Variants in DCAF10 observed in about 807,000 individuals in gnomAD.
The protein encoded by DCAF10 is DDB1 and CUL4 associated factor 10.
Under a neutral mutation model 51.9 loss-of-function variants are expected in DCAF10, and 19 were observed. The ratio of observed to expected loss-of-function variants is 0.37; its 90% CI spans 0.26 to 0.54. The LOEUF is 0.54. DCAF10 is among the 20% of genes least tolerant of loss of function. DCAF10 has a pLI of 0.87. For synonymous variants in DCAF10, 291 were observed against 297.1 expected (o/e 0.98, Z 0.21); for missense variants, 510 against 730.6 (o/e 0.70, Z 3.48).
In DCAF10 at chr9:37,867,425, A is replaced by C. The variant is rs1291350877; in HGVS notation, c.*5917A>C. The C allele has an allele frequency of 6.6e-6, 1 of 151,932 alleles. No homozygotes were observed. The highest frequency in any genetic ancestry group is 1.9e-4 in the East Asian group (1 of 5,192). 9.4% of individuals were successfully genotyped at this position (151,932 alleles called of 1,614,324 possible). A position where few individuals can be genotyped will look rare whatever the true frequency, so the allele number is the denominator to read the frequency against. On this transcript the variant is annotated 3_prime_UTR_variant, in exon 7 of 7. Coordinates refer to ENST00000377724, the MANE Select transcript of DCAF10 (RefSeq NM_024345.5). ...TTCTTTTAAATTTCACTGCATCTTC[A>C]ATTGCCCAACTGTGTTTCCTGATAA...
At chr9:37,818,861 T>G (rs1829623443) in intron 1 of DCAF10, among the ~76,000 whole-genome samples, 1 of 152,250 alleles carries the variant, frequency 6.6e-6, no homozygotes, top group African/African-American at 2.4e-5. Flanking sequence ...CAAAGTATTG[T>G]GTACTATGGC....
At chr9:37,844,259 G>A (rs1194873006) in intron 3 of DCAF10, among the ~76,000 whole-genome samples, 3 of 152,256 alleles carry the variant, frequency 2.0e-5, no homozygotes, top group Non-Finnish European at 1.5e-5. Flanking sequence ...GGTGGCTCAC[G>A]CCTGTAATCC....
intron 1 of DCAF10, among the ~76,000 whole-genome samples, chr9:37,802,110 G>GTTAATGTAA (rs960910269): frequency 3.6e-4 from 55 of 152,016 alleles, no homozygotes; most frequent in African/African-American, 1.3e-3. Context: ...AGGTGACATA[G>GTTAATGTAA]TTAATGTAAT....
intron 3 of DCAF10, among the ~76,000 whole-genome samples, chr9:37,849,097 T>C (rs13285554): frequency 0.011 from 1,640 of 151,890 alleles, 14 homozygotes; most frequent in Middle Eastern, 0.027. Context: ...TTATCAAAAG[T>C]ATATACTAAA....
chr9:37,827,814 A>G (rs1829895991), intron 2 of DCAF10, among the ~76,000 whole-genome samples: 1 of 152,232 alleles, frequency 6.6e-6, no homozygotes, highest in Non-Finnish European at 1.5e-5. Context: ...TACTTTCAGC[A>G]AAAAGGTGAT....
intron 1 of DCAF10, among the ~76,000 whole-genome samples, chr9:37,812,292 G>C (rs1829372727): frequency 6.6e-6 from 1 of 151,454 alleles, no homozygotes; most frequent in Non-Finnish European, 1.5e-5. Context: ...AAAAAAGACA[G>C]AAATATAAAG....
chr9:37,802,423 A>T (rs1828982577), intron 1 of DCAF10, among the ~76,000 whole-genome samples: 1 of 152,252 alleles, frequency 6.6e-6, no homozygotes, highest in Non-Finnish European at 1.5e-5. Flanking sequence ...CTAAATGAAA[A>T]TAAAAATGAG....
intron 1 of DCAF10, among the ~76,000 whole-genome samples, chr9:37,813,853 T>C (rs551740502): frequency 1.3e-5 from 2 of 151,814 alleles, no homozygotes; most frequent in Non-Finnish European, 2.9e-5. Flanking sequence ...AACTGAATGA[T>C]GAAAACACTA....
upstream of DCAF10, chr9:37,800,622 G>A (rs1011823723): frequency 6.5e-6 from 10 of 1,535,992 alleles, no homozygotes; most frequent in African/African-American, 1.1e-4. Flanking sequence ...CAGATCAGGT[G>A]CCCAGATGCT....
At chr9:37,850,826 T>TTTATATATA (rs1328675062) in intron 3 of DCAF10, among the ~76,000 whole-genome samples, 1 of 45,880 alleles carries the variant, frequency 2.2e-5, no homozygotes, top group African/African-American at 5.7e-5. Flanking sequence ...AGGATATATT[T>TTTATATATA]TATATATATA....
intron 2 of DCAF10, chr9:37,836,284 T>C (rs923513153): frequency 6.9e-6 from 11 of 1,593,408 alleles, no homozygotes; most frequent in African/African-American, 5.4e-5. Context: ...CAGCGAAACT[T>C]ACCTGAAAGG....
chr9:37,819,503 G>A (rs1287881665), intron 2 of DCAF10, 102 bp downstream of exon 2: 1 of 703,200 alleles, frequency 1.4e-6, no homozygotes, highest in African/African-American at 1.8e-5. Context: ...ATCCAGCACT[G>A]CTAGATGATC....
rs529487410 is a variant in DCAF10, at chr9:37,832,766, C to T, written c.654-9323C>T. On this transcript the variant is annotated intron_variant, in intron 2 of 6. Transcript: ENST00000377724. ...TTATGACATGATAGACACCTCAAAG[C>T]ATTATGTGAATAACTCACAGGACTA... 8.4e-4 allele frequency among the ~76,000 whole-genome samples: 128 copies of T among 152,292 alleles called. 1 individual carries two copies. The highest frequency in any genetic ancestry group is 2.8e-3 in the African/African-American group (116 of 41,542).
intron 5 of DCAF10, 65 bp downstream of exon 5, chr9:37,857,416 A>G (rs946147005): frequency 8.2e-7 from 1 of 1,213,968 alleles, no homozygotes; most frequent in Non-Finnish European, 1.2e-6. Context: ...TTAATTATTG[A>G]TTGATTAAAA....
At chr9:37,802,512 C>T (rs1365326162) in intron 1 of DCAF10, among the ~76,000 whole-genome samples, 1 of 150,130 alleles carries the variant, frequency 6.7e-6, no homozygotes, top group Non-Finnish European at 1.5e-5. Context: ...TGTCAAAGGT[C>T]GTAGAAGGGC....
Position 37,837,102 on chromosome 9 carries a change from A to G in DCAF10, c.654-4987A>G, listed in dbSNP as rs192646186. Among the ~76,000 whole-genome samples the G allele has an allele frequency of 4.6e-5, 7 of 152,328 alleles. No individual in the cohort carries two copies. In the East Asian group the frequency reaches 1.4e-3, roughly 29 times the overall value. On this transcript the variant is annotated intron_variant, in intron 2 of 6. Coordinates refer to ENST00000377724, the MANE Select transcript of DCAF10 (RefSeq NM_024345.5). ...CATTCATTCAATAAGCTTTTACTGC[A>G]TAAACTTTGCATCCAGCACTGTAGT... is the stretch of plus-strand genomic sequence containing the variant.
intron 3 of DCAF10, among the ~76,000 whole-genome samples, chr9:37,845,685 T>C (rs1830454833): frequency 6.6e-6 from 1 of 152,182 alleles, no homozygotes; most frequent in Non-Finnish European, 1.5e-5. Context: ...CTTCTAGAGA[T>C]ACCTCCCACA....
chr9:37,819,261 CAAGAT>C, intron 1 of DCAF10, 22 bp from the exon 2 acceptor site: 1 of 1,560,056 alleles, frequency 6.4e-7, no homozygotes, highest in Admixed American at 1.7e-5. Flanking sequence ...GAAAACTAAA[CAAGAT>C]AAATGTGTCA....
At position 37,842,164 on chromosome 9, in the gene DCAF10, C is replaced by A; in HGVS notation, c.729C>A (p.Asn243Lys). The stretch of plus-strand genomic sequence containing the variant: ...CACTATGGGATCTGAGAAAATTGAA[C>A]ACCAAAGTATGCACTTTACATGGTC... ...TIALWDLRKL[N>K]TKVCTLHGHT... is the part of the protein sequence containing the mutation. Residue 243 changes from asparagine to lysine, a missense_variant, in exon 3 of 7, where the codon AAC becomes AAA. By Grantham distance (94) the Asn-to-Lys change is moderately conservative. This residue lies in a region of DCAF10 where 126 missense variants were observed against 271.5 expected (regional missense o/e 0.46). Coordinates refer to ENST00000377724, the MANE Select transcript of DCAF10 (RefSeq NM_024345.5). 1 of 1,613,912 alleles carries A rather than the reference C, an allele frequency of 6.2e-7. No individual in the cohort carries two copies. Among genetic ancestry groups the A allele is most frequent in the Non-Finnish European group, 8.5e-7 (1 of 1,179,914 alleles).
Sources: gnomAD v4.1 joint callset for allele counts (sites outside exome capture counted in the v4.1 genomes callset) on GRCh38, gnomAD v4.1.1 for gene constraint, gnomAD v4.1.1 regional missense constraint, MANE v1.5 for transcripts, NCBI Gene and HGNC (gene_info 2026-07-23, HGNC 2026-07-21) for gene names.